ELFN2: variants seen among roughly 807,000 people sequenced by gnomAD.
ELFN2 encodes the protein extracellular leucine rich repeat and fibronectin type III domain containing 2, also known as protein phosphatase 1 regulatory subunit 29.
ELFN2 carries 17 observed loss-of-function variants against 45.5 expected under a neutral mutation model. The ratio of observed to expected loss-of-function variants is 0.37; its 90% CI spans 0.26 to 0.56. The LOEUF is 0.56. ELFN2 is among the 20% of genes least tolerant of loss of function. ELFN2 has a pLI of 0.77. For missense variants in ELFN2, 922 were observed against 1,183.2 expected (o/e 0.78, Z 3.24); for synonymous variants, 550 against 551.5 (o/e 1.00, Z 0.04).
rs1932768916 is a variant in ELFN2, at chr22:37,417,205, T to C, written c.-463+564A>G. On this transcript the variant is annotated intron_variant, in intron 2 of 2. Transcript: ENST00000402918. This position sits in a 1 kb window ranked among gnomAD's most constrained non-coding sequence, Gnocchi z 4.5. ...TCCTTCTGCCTGCCTGTCTGCCTGT[T>C]TGCGGCCTCCTAGTGCCAGACGGCT... Among the ~76,000 whole-genome samples the C allele has an allele frequency of 6.6e-6, 1 of 152,110 alleles. No individual in the cohort carries two copies.
Position 37,374,075 on chromosome 22 carries a change from A to C in ELFN2, c.1460T>G (p.Leu487Trp). ...IGEKLPTAKG[L>W]EAGLDTPKVA... ...CTTGGGTGTGTCCAGCCCGGCCTCC[A>C]ACCCCTTGGCGGTGGGCAGCTTCTC... The change falls in exon 3 of 3, where the codon TTG becomes TGG. Residue 487 changes from leucine (L) to tryptophan (W), a missense_variant. Leu to Trp is a moderately conservative substitution (Grantham distance 61, BLOSUM62 -2). This residue lies in a region of ELFN2 where 564 missense variants were observed against 642.8 expected (regional missense o/e 0.88). Transcript: ENST00000402918. The C allele has an allele frequency of 6.2e-7, 1 of 1,613,234 alleles. No homozygotes were observed.
Position 37,373,509 on chromosome 22 carries a change from G to A in ELFN2, c.2026C>T (p.Arg676Trp), listed in dbSNP as rs778621356. Residue 676 changes from arginine (R) to tryptophan (W), a missense_variant, in exon 3 of 3, where the codon CGG becomes TGG. By Grantham distance (101) the Arg-to-Trp change is moderately radical. Coordinates refer to ENST00000402918, the MANE Select transcript of ELFN2 (RefSeq NM_052906.5). Reference sequence around the variant, plus strand: ...CTGCCCGCCGGCACCAGCGGGAGCCGGTCCAGCGGGCTGTTGAGGGGGCTG... The same window carrying A: ...CTGCCCGCCGGCACCAGCGGGAGCCAGTCCAGCGGGCTGTTGAGGGGGCTG... ...KGSPLNSPLD[R>W]LPLVPAGSGG... The A allele has an allele frequency of 9.6e-6, 15 of 1,557,058 alleles. No homozygotes were observed. The highest frequency in any genetic ancestry group is 2.4e-5 in the East Asian group (1 of 42,170).
chr22:37,343,642 G>T (rs1930616157), intron 1 of ELFN2, among the ~76,000 whole-genome samples: 1 of 152,046 alleles, frequency 6.6e-6, no homozygotes, highest in African/African-American at 2.4e-5. Context: ...CCACCAGGCT[G>T]CCAGCCACCA....
rs745374177 is a variant in ELFN2 at position 37,368,672 on chromosome 22, C to T, written c.*4400G>A. The T allele has an allele frequency of 7.8e-4, 119 of 152,314 alleles. No homozygotes were observed. The highest frequency in any genetic ancestry group is 1.5e-3 in the Non-Finnish European group (104 of 68,122). 9.4% of individuals were successfully genotyped at this position (152,314 alleles called of 1,614,324 possible). A position where few individuals can be genotyped will look rare whatever the true frequency, so the allele number is the denominator to read the frequency against. On this transcript the variant is annotated 3_prime_UTR_variant, in exon 3 of 3. Transcript: ENST00000402918. ...CAATGGGGCCAGCCAGGCAAGGCTGCCCTAACCTTCACACTGGCTTCCACG... is the reference window on the plus strand; with the variant it reads ...CAATGGGGCCAGCCAGGCAAGGCTGTCCTAACCTTCACACTGGCTTCCACG...
intron 2 of ELFN2, among the ~76,000 whole-genome samples, chr22:37,407,345 G>A (rs1932530952): frequency 6.6e-6 from 1 of 152,192 alleles, no homozygotes; most frequent in African/African-American, 2.4e-5. Context: ...TTCAACAAAT[G>A]CTTGTTGAAC....
chr22:37,349,244 T>C lies in ELFN2; in HGVS notation n.149-6541A>G, dbSNP rs1023283218. Among the ~76,000 whole-genome samples the C allele has an allele frequency of 8.2e-4, 124 of 151,098 alleles. 3 individuals are homozygous for C. Among genetic ancestry groups the C allele is most frequent in the African/African-American group, 2.9e-3 (121 of 41,366 alleles). On this transcript the variant is annotated intron_variant and non_coding_transcript_variant, in intron 1 of 2. Coordinates refer to ENST00000452946, the Ensembl canonical transcript of ELFN2. The stretch of plus-strand genomic sequence containing the variant: ...AGTCCGGAGGTGGCATAGGACTGGG[T>C]GCTTGTGAGAACCAGAGGCCAATGG...
At chr22:37,350,135 C>T (rs6000683) in intron 1 of ELFN2, among the ~76,000 whole-genome samples, 3,316 of 151,054 alleles carry the variant, frequency 0.022, 161 homozygotes, top group African/African-American at 0.076. Flanking sequence ...GGGAACCCCA[C>T]AGCTGGCCTC....
At chr22:37,407,870 G>A (rs912975190) in intron 2 of ELFN2, among the ~76,000 whole-genome samples, 1 of 151,912 alleles carries the variant, frequency 6.6e-6, no homozygotes, top group Admixed American at 6.6e-5. Context: ...ACTCCAGCCT[G>A]GGGGACAGAG....
At chr22:37,367,113 T>C (rs990911519), downstream of ELFN2, among the ~76,000 whole-genome samples, 1 of 152,154 alleles carries the variant, frequency 6.6e-6, no homozygotes, top group Non-Finnish European at 1.5e-5. Context: ...GAATACAGGC[T>C]TTCGTGGAGG....
chr22:37,387,541 C>T (rs552055085), intron 2 of ELFN2, among the ~76,000 whole-genome samples: 71 of 152,270 alleles, frequency 4.7e-4, no homozygotes, highest in African/African-American at 1.5e-3. Context: ...TGAAAAGATG[C>T]AGGAGCTGAC....
intron 2 of ELFN2, among the ~76,000 whole-genome samples, chr22:37,378,990 C>T (rs1249959226): frequency 6.6e-6 from 1 of 152,186 alleles, no homozygotes; most frequent in East Asian, 1.9e-4. Flanking sequence ...TGAGGGTGGT[C>T]CTCCCACACA....
Position 37,369,407 on chromosome 22 carries a change from G to A in ELFN2, c.*3665C>T. ...TTTTCCCAGACCTACCCAGACACGG[G>A]CTCCCCAGCCTGGACACAGGCTGCT... On this transcript the variant is annotated 3_prime_UTR_variant, in exon 3 of 3. Coordinates refer to ENST00000402918, the MANE Select transcript of ELFN2 (RefSeq NM_052906.5). 1 of 152,384 alleles carries A rather than the reference G, an allele frequency of 6.6e-6. No homozygotes were observed. The highest frequency in any genetic ancestry group is 1.5e-5 in the Non-Finnish European group (1 of 68,138). 9.4% of individuals were successfully genotyped at this position (152,384 alleles called of 1,614,324 possible). A position where few individuals can be genotyped will look rare whatever the true frequency, so the allele number is the denominator to read the frequency against.
intron 2 of ELFN2, among the ~76,000 whole-genome samples, chr22:37,382,760 C>A (rs563604770): frequency 2.0e-5 from 3 of 152,264 alleles, no homozygotes; most frequent in African/African-American, 7.2e-5. Flanking sequence ...CCACGTTGCC[C>A]AGGCTGGTCT....
At chr22:37,426,637 GCACACACACACAAA>G (rs1292532020) in intron 1 of ELFN2, among the ~76,000 whole-genome samples, 1 of 122,428 alleles carries the variant, frequency 8.2e-6, no homozygotes, top group Non-Finnish European at 1.9e-5. Flanking sequence ...GCACGCGCTC[GCACACACACACAAA>G]CACACACACA....
At chr22:37,349,581 G>T (rs1183904232) in intron 1 of ELFN2, among the ~76,000 whole-genome samples, 1 of 150,974 alleles carries the variant, frequency 6.6e-6, no homozygotes, top group African/African-American at 2.4e-5. Flanking sequence ...CCTACCCCAG[G>T]GACATCAGAT....
Position 37,344,177 on chromosome 22 carries a change from C to A in ELFN2, n.149-1474G>T, listed in dbSNP as rs151262244. On this transcript the variant is annotated intron_variant and non_coding_transcript_variant, in intron 1 of 2. Transcript: ENST00000452946. ...CCATGCCCCCACCCATGCCCCGTGC[C>A]CAACCCCACCTGCCCATGCACACCT... Among the ~76,000 whole-genome samples the A allele has an allele frequency of 3.0e-3, 304 of 102,322 alleles. 11 individuals are homozygous for A. In the Middle Eastern group the frequency reaches 0.037, roughly 12 times the overall value. The allele number at this position is 102,322 out of a possible 152,430, so 67.1% of individuals were successfully genotyped here. A position where few individuals can be genotyped will look rare whatever the true frequency, so the allele number is the denominator to read the frequency against.
In ELFN2 at chr22:37,379,522, C is replaced by T. The variant is rs532103118; in HGVS notation, c.-462-3526G>A. ...CTTTTCTCCCTTCAGGCCCCAAGTGCCCCACCACCAGCTCTCTTTAAGGGG... is the reference window on the plus strand; with the variant it reads ...CTTTTCTCCCTTCAGGCCCCAAGTGTCCCACCACCAGCTCTCTTTAAGGGG... On this transcript the variant is annotated intron_variant, in intron 2 of 2. Coordinates refer to ENST00000402918, the MANE Select transcript of ELFN2 (RefSeq NM_052906.5). Among the ~76,000 whole-genome samples the T allele has an allele frequency of 2.6e-5, 4 of 152,318 alleles. No homozygotes were observed. The East Asian group carries it at 7.7e-4, about 29-fold the overall frequency.
At chr22:37,415,001 ATTC>A (rs1477769759) in intron 2 of ELFN2, among the ~76,000 whole-genome samples, 1 of 152,142 alleles carries the variant, frequency 6.6e-6, no homozygotes, top group Non-Finnish European at 1.5e-5. Flanking sequence ...TGAAGTAGGG[ATTC>A]TTATCATCCC....
At chr22:37,398,601 C>T (rs1003688438) in intron 2 of ELFN2, among the ~76,000 whole-genome samples, 3 of 152,136 alleles carry the variant, frequency 2.0e-5, no homozygotes, top group Non-Finnish European at 1.5e-5. Flanking sequence ...CTCACATCGC[C>T]GCCCTGCTCT....
Sources: allele counts gnomAD v4.1 joint callset (sites outside exome capture counted in the v4.1 genomes callset), GRCh38; gene constraint gnomAD v4.1.1; regional missense constraint gnomAD v4.1.1; non-coding constraint Gnocchi (gnomAD v3.1); transcripts MANE v1.5; gene names NCBI Gene and HGNC (gene_info 2026-07-23, HGNC 2026-07-21).